NBEA: variants seen among roughly 807,000 people sequenced by gnomAD.
NBEA encodes the protein neurobeachin.
Under a neutral mutation model 343.4 loss-of-function variants are expected in NBEA, and 44 were observed. The observed-to-expected ratio is 0.13, with a 90% CI of 0.10 to 0.16. The LOEUF (loss-of-function observed/expected upper bound fraction) is 0.16. Among genes scored for constraint, NBEA ranks in the 10% least tolerant of loss-of-function variants. The probability of loss-of-function intolerance (pLI) is 1.00; values close to 1 mark genes in which losing one functional copy is unlikely to be tolerated. For synonymous variants in NBEA, 1,175 were observed against 1,238.7 expected, an observed-to-expected ratio of 0.95 and a Z score of 1.08; for missense variants, 2,555 against 3,631.3, an observed-to-expected ratio of 0.70 and a Z score of 7.62.
At chr13:35,321,360 G>A (rs755674012) in intron 36 of NBEA, among the ~76,000 whole-genome samples, 13 of 152,094 alleles carry the variant, frequency 8.5e-5, no homozygotes, top group Non-Finnish European at 1.6e-4. Context: ...CTCTGCTGTG[G>A]GTCTGCTGGA....
At chr13:35,064,167 AGGATTTAAAGGTAAAGGACT>A (rs141229612) in intron 8 of NBEA, among the ~76,000 whole-genome samples, 17,193 of 152,048 alleles carry the variant, frequency 0.11, 1,341 homozygotes, top group Middle Eastern at 0.29. Flanking sequence ...GGATATGGAC[AGGATTTAAAGGTAAAGGACT>A]GGATTTAGGT....
chr13:35,302,768 G>A (rs951653567), intron 35 of NBEA, among the ~76,000 whole-genome samples: 1 of 152,110 alleles, frequency 6.6e-6, no homozygotes, highest in Non-Finnish European at 1.5e-5. Flanking sequence ...TAATGTTGTA[G>A]TATAGTCATT....
chr13:35,143,327 G>T (rs1171389260), intron 18 of NBEA, among the ~76,000 whole-genome samples: 3 of 152,100 alleles, frequency 2.0e-5, no homozygotes, highest in Non-Finnish European at 4.4e-5. Flanking sequence ...TAGAAATTAC[G>T]GTGATGTAAT....
intron 45 of NBEA, among the ~76,000 whole-genome samples, chr13:35,569,409 G>A (rs1593247604): frequency 6.6e-6 from 1 of 152,114 alleles, no homozygotes. Flanking sequence ...TTCTCAGGTA[G>A]CATATTACAA....
chr13:34,955,806 C>G (rs549725893), intron 1 of NBEA, among the ~76,000 whole-genome samples: 1 of 152,030 alleles, frequency 6.6e-6, no homozygotes, highest in Non-Finnish European at 1.5e-5. Context: ...CTGTTTAGGC[C>G]TTCAACTGAT....
intron 35 of NBEA, among the ~76,000 whole-genome samples, chr13:35,297,672 CTTTA>C (rs1158899297): frequency 6.6e-6 from 1 of 151,866 alleles, no homozygotes; most frequent in Non-Finnish European, 1.5e-5. Context: ...CTAAAGATCA[CTTTA>C]TTTTTCTATT....
intron 35 of NBEA, among the ~76,000 whole-genome samples, chr13:35,298,956 A>C (rs1251989756): frequency 2.0e-5 from 3 of 152,036 alleles, no homozygotes; most frequent in African/African-American, 7.2e-5. Context: ...CTTCACATAT[A>C]TATTTTCAGT....
chr13:35,010,576 CAAAA>C (rs1194549300), intron 1 of NBEA, among the ~76,000 whole-genome samples: 2 of 64,744 alleles, frequency 3.1e-5, no homozygotes, highest in Admixed American at 1.9e-4. Flanking sequence ...GACCCTGTCT[CAAAA>C]AAAAAAAAAA....
intron 18 of NBEA, 82 bp from the exon 19 acceptor site, chr13:35,155,692 T>C (rs1259034888): frequency 9.5e-7 from 1 of 1,050,508 alleles, no homozygotes; most frequent in Non-Finnish European, 1.4e-6. Flanking sequence ...GACATTTCTT[T>C]TGCAGGTTCA....
chr13:35,513,837 T>TAA (rs531669321), intron 41 of NBEA, among the ~76,000 whole-genome samples: 1 of 152,064 alleles, frequency 6.6e-6, no homozygotes, highest in African/African-American at 2.4e-5. Context: ...GCTACTTTTT[T>TAA]AAAAAAACCT....
chr13:35,201,430 C>T (rs149712557), intron 31 of NBEA, among the ~76,000 whole-genome samples: 1 of 151,992 alleles, frequency 6.6e-6, no homozygotes, highest in Non-Finnish European at 1.5e-5. Context: ...ATTCACCTTG[C>T]GATTTCTGAT....
chr13:35,344,215 A>G (rs1007745911), intron 36 of NBEA, among the ~76,000 whole-genome samples: 1 of 152,150 alleles, frequency 6.6e-6, no homozygotes. Context: ...AGACTAAACA[A>G]TAATAGATAT....
chr13:35,356,675 T>G (rs2040506962), intron 38 of NBEA, among the ~76,000 whole-genome samples: 1 of 152,130 alleles, frequency 6.6e-6, no homozygotes, highest in South Asian at 2.1e-4. Flanking sequence ...TTGACAGTCT[T>G]CTATGAACTC....
At chr13:35,358,682 C>T (rs900678722) in intron 38 of NBEA, among the ~76,000 whole-genome samples, 1 of 151,600 alleles carries the variant, frequency 6.6e-6, no homozygotes, top group Non-Finnish European at 1.5e-5. Context: ...TGTGCCAGTG[C>T]ACTCCAGCCT....
At chr13:35,298,838 A>G (rs552350365) in intron 35 of NBEA, among the ~76,000 whole-genome samples, 1 of 151,942 alleles carries the variant, frequency 6.6e-6, no homozygotes, top group Non-Finnish European at 1.5e-5. Flanking sequence ...CTTCTCTTTG[A>G]ATTGATCATT....
Position 35,251,500 on chromosome 13 carries a change from G to A in NBEA, c.5776+18881G>A, listed in dbSNP as rs920300562. On this transcript the variant is annotated intron_variant, in intron 34 of 58. Transcript: ENST00000379939. ...AAGCCAGGTGAGTGATGACCTTGTG[G>A]AGTGAGCAGCGGCCACCTCTGGGCT... 61 of 1,099,522 alleles carry A rather than the reference G, an allele frequency of 5.5e-5. No individual in the cohort carries two copies. The African/African-American group carries it at 9.3e-4, about 17-fold the overall frequency. The allele number at this position is 1,099,522 out of a possible 1,614,324, so 68.1% of individuals were successfully genotyped here. A position where few individuals can be genotyped will look rare whatever the true frequency, so the allele number is the denominator to read the frequency against.
intron 45 of NBEA, among the ~76,000 whole-genome samples, chr13:35,573,742 AG>A (rs1225529375): frequency 6.6e-5 from 10 of 152,348 alleles, no homozygotes; most frequent in African/African-American, 2.4e-4. Context: ...TGAAAACAGC[AG>A]GAACACTGTT....
rs1044221565 is a variant in NBEA at position 35,671,662 on chromosome 13, T to A, written c.*671T>A. 4.6e-5 allele frequency: 7 copies of A among 152,720 alleles called. 1 individual carries two copies. The highest frequency in any genetic ancestry group is 1.4e-4 in the African/African-American group (6 of 41,564). 9.5% of individuals were successfully genotyped at this position (152,720 alleles called of 1,614,324 possible). On this transcript the variant is annotated 3_prime_UTR_variant, in exon 59 of 59. Coordinates refer to ENST00000379939, the MANE Select transcript of NBEA (RefSeq NM_001385012.1). ...TTTTGACATTTTCACCAAAATATAG[T>A]TTGCACTTTTTAATCTAAAGTCATC...
intron 38 of NBEA, among the ~76,000 whole-genome samples, chr13:35,398,562 T>C (rs1157121712): frequency 6.6e-6 from 1 of 152,136 alleles, no homozygotes. Context: ...ATTCATCTCC[T>C]TGTACATCTC....
Sources: gnomAD v4.1 joint callset for allele counts (sites outside exome capture counted in the v4.1 genomes callset) on GRCh38, gnomAD v4.1.1 for gene constraint, MANE v1.5 for transcripts, NCBI Gene and HGNC (gene_info 2026-07-23, HGNC 2026-07-21) for gene names.